The following IRF2 variants were observed in gnomAD, a reference collection of about 807,000 sequenced individuals.
The protein encoded by IRF2 is interferon regulatory factor 2.
In IRF2, 15 loss-of-function variants were observed where a neutral mutation model predicts 40.6. The ratio of observed to expected loss-of-function variants is 0.37; its 90% confidence interval spans 0.25 to 0.57. The LOEUF is 0.57. IRF2 is among the 20% of genes least tolerant of loss of function. IRF2 has a pLI of 0.77. For synonymous variants in IRF2, 151 were observed against 165.5 expected (o/e 0.91, Z 0.67); for missense variants, 317 against 455.7 (o/e 0.70, Z 2.77).
intron 1 of IRF2, among the ~76,000 whole-genome samples, chr4:184,453,307 C>T (rs1029026008): frequency 1.8e-4 from 28 of 152,084 alleles, no homozygotes; most frequent in Non-Finnish European, 5.9e-5. Flanking sequence ...ATGCTGGGAC[C>T]CTTAGGTGTG....
At chr4:184,410,860 C>T (rs3775557) in intron 5 of IRF2, among the ~76,000 whole-genome samples, 7 of 152,126 alleles carry the variant, frequency 4.6e-5, no homozygotes, top group Non-Finnish European at 1.0e-4. Flanking sequence ...CTTGAGAAAA[C>T]GATGACTCAG....
intron 1 of IRF2, among the ~76,000 whole-genome samples, chr4:184,473,306 G>T (rs967785093): frequency 6.7e-6 from 1 of 149,804 alleles, no homozygotes; most frequent in Non-Finnish European, 1.5e-5. Context: ...TGCGCCGCTC[G>T]GTCCCCGGAG....
intron 1 of IRF2, among the ~76,000 whole-genome samples, chr4:184,446,728 C>T (rs1463341891): frequency 2.0e-5 from 3 of 151,794 alleles, no homozygotes; most frequent in Non-Finnish European, 4.4e-5. Flanking sequence ...AGGAGGCGGA[C>T]GGATCACGAG....
intron 2 of IRF2, among the ~76,000 whole-genome samples, chr4:184,420,676 A>G (rs1336766579): frequency 6.6e-6 from 1 of 152,170 alleles, no homozygotes; most frequent in Non-Finnish European, 1.5e-5. Flanking sequence ...ACCTGGCCCA[A>G]GCAGCTCTTG....
intron 2 of IRF2, among the ~76,000 whole-genome samples, chr4:184,427,185 A>G (rs1170053708): frequency 1.3e-5 from 2 of 152,234 alleles, no homozygotes; most frequent in Non-Finnish European, 2.9e-5. Flanking sequence ...AGCTGATTAC[A>G]TATGTAAATC....
chr4:184,408,078 T>C lies in IRF2; in HGVS notation c.529+80A>G, dbSNP rs760334439. On this transcript the variant is annotated intron_variant, in intron 6 of 8. Transcript: ENST00000393593. The surrounding 1 kb of genome is among the most constrained non-coding windows in gnomAD (Gnocchi z 4.9). ...GACCTCCTCCCACTGACTATGTTAT[T>C]TGAAGTTCTCTGTTTTACAAATTTT... 4.5e-5 allele frequency: 35 copies of C among 784,798 alleles called. No individual in the cohort carries two copies. The highest frequency in any genetic ancestry group is 7.3e-5 in the Non-Finnish European group (33 of 450,114). 48.6% of individuals were successfully genotyped at this position (784,798 alleles called of 1,614,324 possible).
intron 1 of IRF2, among the ~76,000 whole-genome samples, chr4:184,446,668 A>G (rs1738520386): frequency 6.6e-6 from 1 of 152,232 alleles, no homozygotes; most frequent in African/African-American, 2.4e-5. Context: ...GTGCTTTTTC[A>G]TATATCTCAA....
At chr4:184,423,234 T>C (rs1263654603) in intron 2 of IRF2, among the ~76,000 whole-genome samples, 3 of 152,144 alleles carry the variant, frequency 2.0e-5, no homozygotes, top group South Asian at 2.1e-4. Flanking sequence ...CCTGCACACG[T>C]GGTGGTGGTA....
At chr4:184,393,914 T>C (rs1198277425) in intron 7 of IRF2, among the ~76,000 whole-genome samples, 2 of 152,204 alleles carry the variant, frequency 1.3e-5, no homozygotes, top group African/African-American at 2.4e-5. Flanking sequence ...TTGACCACCA[T>C]TGCCACTTCC....
intron 8 of IRF2, among the ~76,000 whole-genome samples, 170 bp from the exon 9 acceptor site, chr4:184,389,236 G>A (rs766697623): frequency 1.4e-4 from 21 of 152,132 alleles, no homozygotes; most frequent in Non-Finnish European, 2.8e-4. Flanking sequence ...CCTGGGCAAT[G>A]TAGCGAGTCC....
intron 6 of IRF2, among the ~76,000 whole-genome samples, chr4:184,404,420 C>A (rs1285737074): frequency 6.6e-6 from 1 of 152,140 alleles, no homozygotes; most frequent in Non-Finnish European, 1.5e-5. Context: ...ATTTTACCCC[C>A]TTCTAGCCCC....
chr4:184,473,225 G>A (rs1382572161), intron 1 of IRF2, among the ~76,000 whole-genome samples: 3 of 151,046 alleles, frequency 2.0e-5, no homozygotes, highest in East Asian at 1.9e-4. Context: ...CGGAGGGCAC[G>A]GGGCGGGCAC....
intron 1 of IRF2, among the ~76,000 whole-genome samples, chr4:184,445,901 T>A (rs1738490173): frequency 6.6e-6 from 1 of 152,180 alleles, no homozygotes; most frequent in Non-Finnish European, 1.5e-5. Flanking sequence ...GCAGATATAA[T>A]CAAGTTAAAC....
intron 7 of IRF2, among the ~76,000 whole-genome samples, chr4:184,391,878 G>A (rs866571575): frequency 2.6e-5 from 4 of 152,148 alleles, no homozygotes; most frequent in African/African-American, 9.7e-5. Context: ...TGTAAAATGA[G>A]GGCACTGCCA....
At chr4:184,445,570 G>A (rs1738474252) in intron 1 of IRF2, among the ~76,000 whole-genome samples, 1 of 150,638 alleles carries the variant, frequency 6.6e-6, no homozygotes, top group Non-Finnish European at 1.5e-5. Context: ...CAGGAGAATC[G>A]CTTGAACCCT....
chr4:184,418,751 A>G, intron 3 of IRF2, 43 bp from the exon 4 acceptor site: 1 of 1,538,214 alleles, frequency 6.5e-7, no homozygotes, highest in Non-Finnish European at 8.9e-7. Context: ...AGAAAACATT[A>G]GATACAGAGG....
At chr4:184,432,413 G>A (rs1256309007) in intron 1 of IRF2, among the ~76,000 whole-genome samples, 1 of 152,222 alleles carries the variant, frequency 6.6e-6, no homozygotes, top group Non-Finnish European at 1.5e-5. Flanking sequence ...TGGTGACTTT[G>A]CTGTTTAAAA....
intron 7 of IRF2, among the ~76,000 whole-genome samples, chr4:184,392,151 T>G (rs1736282567): frequency 6.6e-6 from 1 of 152,204 alleles, no homozygotes; most frequent in Non-Finnish European, 1.5e-5. Flanking sequence ...CATTGAGAAA[T>G]GCAATCACAG....
chr4:184,439,657 A>G (rs1010510297), intron 1 of IRF2, among the ~76,000 whole-genome samples: 4 of 152,222 alleles, frequency 2.6e-5, no homozygotes, highest in African/African-American at 9.6e-5. Flanking sequence ...TCCAGATTAC[A>G]GTTTTACATA....
Sources: allele counts gnomAD v4.1 joint callset (sites outside exome capture counted in the v4.1 genomes callset), GRCh38; gene constraint gnomAD v4.1.1; non-coding constraint Gnocchi (gnomAD v3.1); transcripts MANE v1.5; gene names NCBI Gene and HGNC (gene_info 2026-07-23, HGNC 2026-07-21).